SPG11: variants seen among roughly 807,000 people sequenced by gnomAD.
The protein encoded by SPG11 is SPG11 vesicle trafficking associated, spatacsin.
A neutral mutation model predicts 274.0 loss-of-function variants in SPG11; 222 were observed. That is an observed-to-expected ratio of 0.81 (90% CI 0.73 to 0.91). The LOEUF is 0.91. Among genes scored for constraint, SPG11 ranks in the 40% least tolerant of loss-of-function variants. The pLI, the probability that SPG11 is intolerant of heterozygous loss-of-function variation, is 0.00. For synonymous variants in SPG11, 1,144 were observed against 1,039.7 expected, an observed-to-expected ratio of 1.10 and a Z score of -1.93; for missense variants, 3,114 against 2,872.7, an observed-to-expected ratio of 1.08 and a Z score of -1.92.
chr15:44,648,783 T>C, intron 7 of SPG11, 83 bp downstream of exon 7: 4 of 1,479,268 alleles, frequency 2.7e-6, no homozygotes, highest in Admixed American at 1.7e-5. Context: ...CTAAATTAAA[T>C]GAATTCTCTC....
chr15:44,637,901 T>G (rs2084325076), intron 7 of SPG11, among the ~76,000 whole-genome samples: 1 of 152,224 alleles, frequency 6.6e-6, no homozygotes. Context: ...TGCATGTTAC[T>G]GCCTCTGAAG....
chr15:44,643,306 C>T (rs908192441), intron 7 of SPG11, among the ~76,000 whole-genome samples: 1 of 152,040 alleles, frequency 6.6e-6, no homozygotes, highest in Non-Finnish European at 1.5e-5. Flanking sequence ...TAACACTTGT[C>T]TATTATTAAC....
intron 27 of SPG11, 29 bp downstream of exon 27, chr15:44,592,302 T>C: frequency 1.5e-6 from 2 of 1,363,508 alleles, no homozygotes; most frequent in Non-Finnish European, 2.1e-6. Flanking sequence ...TGCAGATCAG[T>C]GAGAAAGAGC....
At chr15:44,641,599 A>ACACACACG (rs2084442147) in intron 7 of SPG11, among the ~76,000 whole-genome samples, 1 of 147,872 alleles carries the variant, frequency 6.8e-6, no homozygotes. Flanking sequence ...ACACACACAC[A>ACACACACG]CACACACACA....
chr15:44,657,229 C>A lies in SPG11; in HGVS notation c.735G>T (p.Met245Ile). ...CTGGCTCCTGTTGCTGCTCATTACA[C>A]ATGTCTTCTTTGTGAAGTGCTAAAT... ...HVDLALHKED[M>I]CNEQQQEPAK... Residue 245 changes from methionine (M) to isoleucine (I), a missense_variant, in exon 4 of 40, where the codon ATG becomes ATT. Coordinates refer to ENST00000261866, the MANE Select transcript of SPG11 (RefSeq NM_025137.4). 1.2e-6 allele frequency: 2 copies of A among 1,614,188 alleles called. No homozygotes were observed. The highest frequency in any genetic ancestry group is 1.7e-6 in the Non-Finnish European group (2 of 1,180,028).
At chr15:44,622,915 C>T (rs2083794551) in intron 11 of SPG11, 116 bp from the exon 12 acceptor site, 1 of 812,754 alleles carries the variant, frequency 1.2e-6, no homozygotes. Flanking sequence ...TGTTAGAATT[C>T]CATAGCTTTC....
intron 32 of SPG11, 114 bp from the exon 33 acceptor site, chr15:44,572,934 G>A (rs2082453058): frequency 6.3e-6 from 6 of 957,730 alleles, no homozygotes; most frequent in East Asian, 5.4e-5. Flanking sequence ...TCCGCTTGCT[G>A]AGCTTGAAAC....
At chr15:44,613,261 C>A (rs118054555) in intron 17 of SPG11, among the ~76,000 whole-genome samples, 169 bp downstream of exon 17, 3 of 152,178 alleles carry the variant, frequency 2.0e-5, no homozygotes, top group African/African-American at 7.2e-5. Context: ...GATGGCTAAC[C>A]TTTTTGGCCT....
chr15:44,587,975 G>A (rs1044029240), intron 28 of SPG11, among the ~76,000 whole-genome samples: 1 of 152,058 alleles, frequency 6.6e-6, no homozygotes, highest in African/African-American at 2.4e-5. Flanking sequence ...ACTGGTAAGT[G>A]CCATCTTATA....
At chr15:44,610,085 T>C (rs2083423215) in intron 18 of SPG11, among the ~76,000 whole-genome samples, 1 of 151,798 alleles carries the variant, frequency 6.6e-6, no homozygotes, top group Admixed American at 6.6e-5. Flanking sequence ...GTATTTTTAG[T>C]AGAGACGGGG....
In SPG11 at chr15:44,615,424, T is replaced by A; in HGVS notation, c.2977A>T (p.Ile993Phe). ...AGACTGTGCTCCAAACAATAGAGAA[T>A]GAATTGAGAATGGAAATCCCAACCT... Reference protein sequence around the residue: ...KEGWDFHSQFILYCLEHSLQH... With the variant: ...KEGWDFHSQFFLYCLEHSLQH... Residue 993 changes from isoleucine to phenylalanine, a missense_variant, in exon 16 of 40, where the codon ATT becomes TTT. Coordinates refer to ENST00000261866, the MANE Select transcript of SPG11 (RefSeq NM_025137.4). The A allele has an allele frequency of 6.2e-7, 1 of 1,614,104 alleles. No homozygotes were observed. Among genetic ancestry groups the A allele is most frequent in the East Asian group, 2.2e-5 (1 of 44,862 alleles).
chr15:44,645,468 CAA>C (rs1567186313), intron 7 of SPG11, among the ~76,000 whole-genome samples: 1 of 152,152 alleles, frequency 6.6e-6, no homozygotes, highest in East Asian at 1.9e-4. Context: ...AAAATCAACT[CAA>C]GTTTGATTAA....
chr15:44,605,219 T>A (rs1160614716), intron 20 of SPG11, among the ~76,000 whole-genome samples: 1 of 152,206 alleles, frequency 6.6e-6, no homozygotes, highest in East Asian at 1.9e-4. Context: ...TATTTGATAA[T>A]GCAATAAGCA....
chr15:44,608,154 T>A (rs1328523493), intron 19 of SPG11, among the ~76,000 whole-genome samples: 1 of 152,194 alleles, frequency 6.6e-6, no homozygotes, highest in Non-Finnish European at 1.5e-5. Context: ...ATGTTCCTGG[T>A]TCCCATTAGG....
Position 44,573,729 on chromosome 15 carries a change from T to C in SPG11, c.6023A>G (p.Tyr2008Cys), listed in dbSNP as rs772249830. The change falls in exon 32 of 40, where the codon TAC (tyrosine) becomes TGC (cysteine). Residue 2008 changes from tyrosine (Y) to cysteine (C), a missense_variant. Coordinates refer to ENST00000261866, the MANE Select transcript of SPG11 (RefSeq NM_025137.4). ...ACCATCCTGAGCAGCAACATCTGTG[T>C]AGGAACAGCCCAACTCCTGAGAGGA... ...YDLAKELGCS[Y>C]TDVAAQDGEA... 4 of 1,614,164 alleles carry C rather than the reference T, an allele frequency of 2.5e-6. No individual in the cohort carries two copies. Among genetic ancestry groups the C allele is most frequent in the South Asian group, 1.1e-5 (1 of 91,084 alleles).
chr15:44,598,366 T>A lies in SPG11; in HGVS notation c.3900A>T (p.Lys1300Asn). The A allele has an allele frequency of 6.2e-7, 1 of 1,613,668 alleles. No individual in the cohort carries two copies. The highest frequency in any genetic ancestry group is 8.5e-7 in the Non-Finnish European group (1 of 1,179,646). ...TTTCACCATCAGCTAGTTTAGATAG[T>A]TTTTCGGCTGTAAGAAATATAAACA... is the stretch of plus-strand genomic sequence containing the variant. The part of the protein sequence containing the change: ...YSFIRESVAE[K>N]LSKLADGEKT... Residue 1300 changes from lysine (K) to asparagine (N), a missense_variant, in exon 23 of 40, where the codon AAA (lysine) becomes AAT (asparagine). Coordinates refer to ENST00000261866, the MANE Select transcript of SPG11 (RefSeq NM_025137.4).
At chr15:44,572,926 C>T (rs983093346) in intron 32 of SPG11, 106 bp from the exon 33 acceptor site, 63 of 1,144,104 alleles carry the variant, frequency 5.5e-5, no homozygotes, top group African/African-American at 2.6e-4. Flanking sequence ...TGCAGCTCTC[C>T]GCTTGCTGAG....
rs372065898 is a variant in SPG11 at position 44,564,731 on chromosome 15, G to T, written c.7000-33C>A. 16 of 1,612,988 alleles carry T rather than the reference G, an allele frequency of 9.9e-6. No homozygotes were observed. In the Admixed American group the frequency reaches 1.5e-4, roughly 15 times the overall value. On this transcript the variant is annotated intron_variant, in intron 38 of 39. Transcript: ENST00000261866. ...GGAGAGGTGAAGAAGGACACCATCA[G>T]AGCCCATCTGATGTAAAATCAAAAA...
At chr15:44,640,153 T>A (rs2084398473) in intron 7 of SPG11, among the ~76,000 whole-genome samples, 1 of 152,144 alleles carries the variant, frequency 6.6e-6, no homozygotes, top group African/African-American at 2.4e-5. Flanking sequence ...GAGATTGCAG[T>A]TAGCCGAGAT....
Sources: gnomAD v4.1 joint callset for allele counts (sites outside exome capture counted in the v4.1 genomes callset) on GRCh38, gnomAD v4.1.1 for gene constraint, MANE v1.5 for transcripts, NCBI Gene and HGNC (gene_info 2026-07-23, HGNC 2026-07-21) for gene names.